Variants in FHIP1A observed in about 807,000 individuals in gnomAD.
The protein encoded by FHIP1A is FHF complex subunit HOOK interacting protein 1A, also known as FHF complex subunit HOOK-interacting protein 1A.
Under a neutral mutation model 88.6 loss-of-function variants are expected in FHIP1A, and 61 were observed. The observed-to-expected ratio is 0.69, with a 90% confidence interval of 0.56 to 0.85. The LOEUF is 0.85. Among genes scored for constraint, FHIP1A ranks in the 40% least tolerant of loss-of-function variants. The pLI, the probability that FHIP1A is intolerant of heterozygous loss-of-function variation, is 0.00. For synonymous variants in FHIP1A, 478 were observed against 496.0 expected, an observed-to-expected ratio of 0.96 and a Z score of 0.48; for missense variants, 1,154 against 1,273.5, an observed-to-expected ratio of 0.91 and a Z score of 1.43.
At chr4:151,662,440 T>G in intron 13 of FHIP1A, 61 bp from the exon 14 acceptor site, 1 of 1,449,324 alleles carries the variant, frequency 6.9e-7, no homozygotes. Flanking sequence ...CATGCTTCAC[T>G]GAAGAGGGTG....
intron 3 of FHIP1A, among the ~76,000 whole-genome samples, chr4:151,564,910 T>C (rs1487681991): frequency 6.6e-6 from 1 of 152,162 alleles, no homozygotes; most frequent in Non-Finnish European, 1.5e-5. Context: ...TTTTAAATAC[T>C]CCTAAACTAT....
chr4:151,518,883 T>C (rs944349681), intron 3 of FHIP1A, among the ~76,000 whole-genome samples: 1 of 152,058 alleles, frequency 6.6e-6, no homozygotes, highest in Non-Finnish European at 1.5e-5. Context: ...AACATCGATA[T>C]GTTGTCCAGG....
At chr4:151,625,220 G>C (rs1735909130) in intron 7 of FHIP1A, among the ~76,000 whole-genome samples, 1 of 152,158 alleles carries the variant, frequency 6.6e-6, no homozygotes, top group Non-Finnish European at 1.5e-5. Context: ...TGGACCCACT[G>C]GGGCTGATGA....
chr4:151,480,080 C>T (rs886607191), intron 2 of FHIP1A, among the ~76,000 whole-genome samples: 2 of 152,042 alleles, frequency 1.3e-5, no homozygotes, highest in African/African-American at 4.8e-5. Context: ...AATGAGATGA[C>T]AACCAAGAGA....
intron 8 of FHIP1A, among the ~76,000 whole-genome samples, chr4:151,633,844 A>G (rs1736247917): frequency 6.6e-6 from 1 of 151,984 alleles, no homozygotes; most frequent in Non-Finnish European, 1.5e-5. Flanking sequence ...CGCAGCTAAC[A>G]TCTTACTCAA....
intron 3 of FHIP1A, among the ~76,000 whole-genome samples, chr4:151,499,214 C>T (rs1211927910): frequency 6.6e-6 from 1 of 151,992 alleles, no homozygotes; most frequent in Non-Finnish European, 1.5e-5. Flanking sequence ...CTTGACTCAC[C>T]CTTCTTATAT....
At chr4:151,459,318 A>G (rs1430486383) in intron 2 of FHIP1A, among the ~76,000 whole-genome samples, 1 of 152,200 alleles carries the variant, frequency 6.6e-6, no homozygotes, top group Non-Finnish European at 1.5e-5. Flanking sequence ...TGCTACCTAA[A>G]GACTTTTAAA....
chr4:151,472,994 C>T (rs181400698), intron 2 of FHIP1A, among the ~76,000 whole-genome samples: 2 of 152,230 alleles, frequency 1.3e-5, no homozygotes, highest in African/African-American at 2.4e-5. Context: ...TACATTTCAC[C>T]TTTCTCCCTT....
intron 5 of FHIP1A, among the ~76,000 whole-genome samples, chr4:151,584,088 T>A (rs749911790): frequency 6.6e-6 from 1 of 152,148 alleles, no homozygotes; most frequent in Non-Finnish European, 1.5e-5. Context: ...AAATGTATAT[T>A]ATTTTTTTGA....
intron 7 of FHIP1A, among the ~76,000 whole-genome samples, chr4:151,620,930 G>A (rs1290890483): frequency 6.6e-6 from 1 of 151,040 alleles, no homozygotes; most frequent in Non-Finnish European, 1.5e-5. Context: ...CAGCCAGGTG[G>A]TATTCATCTT....
chr4:151,575,058 T>A (rs1733734381), intron 4 of FHIP1A, among the ~76,000 whole-genome samples: 1 of 152,152 alleles, frequency 6.6e-6, no homozygotes, highest in Non-Finnish European at 1.5e-5. Context: ...CATATTGTTT[T>A]CCAGAAAGAT....
At chr4:151,582,059 A>T (rs1404412158) in intron 5 of FHIP1A, among the ~76,000 whole-genome samples, 1 of 152,180 alleles carries the variant, frequency 6.6e-6, no homozygotes, top group African/African-American at 2.4e-5. Flanking sequence ...TGCCACTGTT[A>T]TATATTGGCA....
At chr4:151,592,691 A>T (rs1045118132) in intron 7 of FHIP1A, among the ~76,000 whole-genome samples, 13 of 151,726 alleles carry the variant, frequency 8.6e-5, no homozygotes, top group Non-Finnish European at 1.3e-4. Flanking sequence ...GATTGCAAAA[A>T]TTTTCTCCCA....
rs1263163826 is a variant in FHIP1A at position 151,651,816 on chromosome 4, GAAGA to G, written c.2551+1228_2551+1231del. ...GATGCCTGAAGATTTGTATATACAG[GAAGA>G]AAGCTTTTAATTCCACAATTAAAGG... On this transcript the variant is annotated intron_variant, in intron 11 of 13. Coordinates refer to ENST00000435205, the MANE Select transcript of FHIP1A (RefSeq NM_001109977.3). 2.0e-5 allele frequency among the ~76,000 whole-genome samples: 3 copies of G among 152,316 alleles called. No homozygotes were observed. In the East Asian group the frequency reaches 5.8e-4, roughly 29 times the overall value.
intron 7 of FHIP1A, among the ~76,000 whole-genome samples, chr4:151,594,476 T>G (rs1734569587): frequency 6.6e-6 from 1 of 152,188 alleles, no homozygotes; most frequent in Non-Finnish European, 1.5e-5. Flanking sequence ...GTCCAGGAAT[T>G]TATGCATTTC....
chr4:151,561,337 A>G (rs149597554), intron 3 of FHIP1A, among the ~76,000 whole-genome samples: 23 of 152,330 alleles, frequency 1.5e-4, no homozygotes, highest in African/African-American at 5.1e-4. Flanking sequence ...CAAGGTCCAG[A>G]AGAATAGGGG....
At chr4:151,588,297 A>G (rs1480735654) in intron 6 of FHIP1A, among the ~76,000 whole-genome samples, 4 of 152,114 alleles carry the variant, frequency 2.6e-5, no homozygotes, top group African/African-American at 9.7e-5. Context: ...TTCTGAAAAT[A>G]TTTTTAAATG....
chr4:151,586,349 C>T (rs979106590), intron 5 of FHIP1A, among the ~76,000 whole-genome samples: 1 of 152,200 alleles, frequency 6.6e-6, no homozygotes, highest in Non-Finnish European at 1.5e-5. Flanking sequence ...ACTCCTCCTA[C>T]ACCTAGCCCA....
intron 3 of FHIP1A, among the ~76,000 whole-genome samples, chr4:151,495,855 T>A (rs1050950609): frequency 1.3e-5 from 2 of 152,122 alleles, no homozygotes; most frequent in African/African-American, 2.4e-5. Context: ...ACTCTTGACC[T>A]CAGATGATCC....
Sources: allele counts gnomAD v4.1 joint callset (sites outside exome capture counted in the v4.1 genomes callset), GRCh38; gene constraint gnomAD v4.1.1; transcripts MANE v1.5; gene names NCBI Gene and HGNC (gene_info 2026-07-23, HGNC 2026-07-21).